Variants in CBX7 observed in about 807,000 individuals in gnomAD.
CBX7 encodes the protein chromobox 7.
In CBX7, 14 loss-of-function variants were observed where a neutral mutation model predicts 31.4. The observed-to-expected ratio is 0.45, with a 90% confidence interval of 0.29 to 0.70. The LOEUF (loss-of-function observed/expected upper bound fraction) is 0.70, where lower values mean the gene tolerates loss of function less well. Ranked by LOEUF, CBX7 falls within the 30% of genes least tolerant of loss-of-function variation. The pLI is 0.11. For missense variants in CBX7, 269 were observed against 351.9 expected, an observed-to-expected ratio of 0.76 and a Z score of 1.89; for synonymous variants, 159 against 152.6, an observed-to-expected ratio of 1.04 and a Z score of -0.31.
chr22:39,142,130 C>T (rs1037139264), intron 2 of CBX7, among the ~76,000 whole-genome samples: 2 of 152,202 alleles, frequency 1.3e-5, no homozygotes. Flanking sequence ...GCTAGCTGTG[C>T]GACCTTGAGC....
chr22:39,141,927 T>C (rs139393), intron 2 of CBX7, among the ~76,000 whole-genome samples: 104,444 of 151,938 alleles, frequency 0.69, 37,200 homozygotes, highest in African/African-American at 0.9. Context: ...AACACCAGAG[T>C]TGTCCTGGTT....
intron 2 of CBX7, among the ~76,000 whole-genome samples, chr22:39,145,404 T>TTAGA (rs983561900): frequency 8.6e-5 from 13 of 152,008 alleles, no homozygotes; most frequent in Admixed American, 3.9e-4. Context: ...ATCGAAGGGA[T>TTAGA]TAGACCCCAC....
chr22:39,134,461 G>C lies in CBX7; in HGVS notation c.538C>G (p.Pro180Ala), dbSNP rs1197413308. ...TCGCCAGCCGCCTGCAGGACGTCTG[G>C]GGCCGGTGGCTCCTGCAGGAAGAGC... ...RELFLQEPPAPDVLQAAGEWE... is the reference protein window; with the variant it reads ...RELFLQEPPAADVLQAAGEWE... Residue 180 changes from proline to alanine, a missense_variant, in exon 5 of 6, where the codon CCA (proline) becomes GCA (alanine). Around this residue, in one of 2 missense-constraint regions of CBX7, gnomAD observed 222 missense variants for 240.4 expected, o/e 0.92. Transcript: ENST00000216133. The C allele has an allele frequency of 1.2e-6, 2 of 1,607,948 alleles. No individual in the cohort carries two copies. The highest frequency in any genetic ancestry group is 8.5e-7 in the Non-Finnish European group (1 of 1,179,816).
intron 2 of CBX7, chr22:39,147,884 A>G (rs754131245): frequency 2.6e-5 from 4 of 152,268 alleles, no homozygotes; most frequent in Non-Finnish European, 4.4e-5. Flanking sequence ...GGGGAAAACA[A>G]AAAGAACAGC....
At position 39,134,006 on chromosome 22, in the gene CBX7, G is replaced by A. The variant is rs769817108; in HGVS notation, c.641C>T (p.Ala214Val). ...CACGGTCACCTCACTTGAGGGGAGCGCAGGTGTCCAGGGAGGGGGCCCCTC... is the reference window on the plus strand; with the variant it reads ...CACGGTCACCTCACTTGAGGGGAGCACAGGTGTCCAGGGAGGGGGCCCCTC... ...LAEGPPPWTP[A>V]LPSSEVTVTD... Residue 214 changes from alanine (A) to valine (V), a missense_variant, in exon 6 of 6, where the codon GCG (alanine) becomes GTG (valine). Physicochemically the swap from Ala to Val is moderately conservative, Grantham distance 64. Transcript: ENST00000216133. 29 of 1,611,858 alleles carry A rather than the reference G, an allele frequency of 1.8e-5. No homozygotes were observed. The highest frequency in any genetic ancestry group is 1.8e-4 in the East Asian group (8 of 44,774).
chr22:39,147,785 C>G (rs1454890956), intron 2 of CBX7: 3 of 152,274 alleles, frequency 2.0e-5, no homozygotes, highest in African/African-American at 7.2e-5. Context: ...GTTTCCCCAT[C>G]TGAAAAATCA....
intron 2 of CBX7, chr22:39,148,756 A>C (rs1432600293): frequency 1.3e-5 from 2 of 152,346 alleles, no homozygotes; most frequent in Non-Finnish European, 2.9e-5. Flanking sequence ...TAGGGCCACC[A>C]AGCCTGTGAG....
chr22:39,139,202 C>T (rs1930360453), intron 3 of CBX7, among the ~76,000 whole-genome samples: 1 of 152,174 alleles, frequency 6.6e-6, no homozygotes, highest in Non-Finnish European at 1.5e-5. Flanking sequence ...CCGGCTCCTA[C>T]CCTGTCTGTC....
chr22:39,142,733 A>G (rs140608647), intron 2 of CBX7, among the ~76,000 whole-genome samples: 1 of 152,388 alleles, frequency 6.6e-6, no homozygotes, highest in Admixed American at 6.5e-5. Context: ...CGACGCAAAC[A>G]TAAAAACTTT....
chr22:39,141,210 G>A, intron 3 of CBX7, 161 bp downstream of exon 3: 1 of 580,792 alleles, frequency 1.7e-6, no homozygotes, highest in Non-Finnish European at 3.0e-6. Context: ...GCTGCCCTGG[G>A]ACTCAGTGCC....
At chr22:39,144,029 G>A (rs1384725604) in intron 2 of CBX7, among the ~76,000 whole-genome samples, 2 of 152,238 alleles carry the variant, frequency 1.3e-5, no homozygotes, top group African/African-American at 4.8e-5. Flanking sequence ...GGGCGTTAGC[G>A]AGGGGTTAAA....
chr22:39,152,271 G>T lies in CBX7; in HGVS notation c.69+105C>A, dbSNP rs1930886889. ...GGCCCAGCAGCGCAGGGCTGCCGGG[G>T]CCCCCGCGCCCCGCTTTCCCCTTCA... On this transcript the variant is annotated intron_variant, in intron 1 of 5. Coordinates refer to ENST00000216133, the MANE Select transcript of CBX7 (RefSeq NM_175709.5). This position sits in a 1 kb window ranked among gnomAD's most constrained non-coding sequence, Gnocchi z 4.9. The T allele has an allele frequency of 7.9e-6, 5 of 634,260 alleles. No individual in the cohort carries two copies. The highest frequency in any genetic ancestry group is 1.1e-5 in the Non-Finnish European group (5 of 459,932). The allele number at this position is 634,260 out of a possible 1,614,324, so 39.3% of individuals were successfully genotyped here.
chr22:39,145,708 C>G (rs1258042370), intron 2 of CBX7, among the ~76,000 whole-genome samples: 1 of 147,162 alleles, frequency 6.8e-6, no homozygotes, highest in Non-Finnish European at 1.5e-5. Context: ...CCGGGATTAC[C>G]GGCAAACCGA....
intron 1 of CBX7, among the ~76,000 whole-genome samples, chr22:39,151,062 C>T (rs547489142): frequency 1.3e-5 from 2 of 152,306 alleles, no homozygotes; most frequent in Admixed American, 1.3e-4. Context: ...GACCAACCCT[C>T]AATAAATATT....
rs546793926 is a variant in CBX7 at position 39,134,018 on chromosome 22, G to A, written c.629C>T (p.Pro210Leu). 6.2e-6 allele frequency: 10 copies of A among 1,608,546 alleles called. No homozygotes were observed. The East Asian group carries it at 9.0e-5, about 14-fold the overall frequency. ...ADADLAEGPPPWTPALPSSEV... is the reference protein window; with the variant it reads ...ADADLAEGPPLWTPALPSSEV... ...ACTTGAGGGGAGCGCAGGTGTCCAG[G>A]GAGGGGGCCCCTCGGCCAGGTCGGC... The change falls in exon 6 of 6, where the codon CCC becomes CTC. Residue 210 changes from proline to leucine, a missense_variant. Pro to Leu is a moderately conservative substitution (Grantham distance 98, BLOSUM62 -3). This residue lies in a region of CBX7 where 222 missense variants were observed against 240.4 expected (regional missense o/e 0.92). Coordinates refer to ENST00000216133, the MANE Select transcript of CBX7 (RefSeq NM_175709.5).
Position 39,133,050 on chromosome 22 carries a change from G to A in CBX7, c.*841C>T, listed in dbSNP as rs976157592. The A allele has an allele frequency of 1.3e-5, 2 of 152,296 alleles. No individual in the cohort carries two copies. The highest frequency in any genetic ancestry group is 2.1e-4 in the South Asian group (1 of 4,838). 9.4% of individuals were successfully genotyped at this position (152,296 alleles called of 1,614,324 possible). A position where few individuals can be genotyped will look rare whatever the true frequency, so the allele number is the denominator to read the frequency against. On this transcript the variant is annotated 3_prime_UTR_variant, in exon 6 of 6. Transcript: ENST00000216133. ...CTGAAAGCCGCAAGCAGGTAGCAAG[G>A]TGCATGCAAGGTGGGGTGAGTGCAG... is the stretch of plus-strand genomic sequence containing the variant.
intron 2 of CBX7, among the ~76,000 whole-genome samples, chr22:39,143,079 C>T (rs1046071017): frequency 1.3e-5 from 2 of 152,070 alleles, no homozygotes; most frequent in African/African-American, 4.8e-5. Context: ...CGTGGAGAAA[C>T]CCCATCTCTA....
chr22:39,140,985 G>A (rs376601921), intron 3 of CBX7: 3 of 224,712 alleles, frequency 1.3e-5, no homozygotes, highest in East Asian at 1.7e-4. Flanking sequence ...CCGCACAACT[G>A]GCAGTGCCGC....
chr22:39,133,981 C>T lies in CBX7; in HGVS notation c.666G>A (p.Val222=). 3.7e-6 allele frequency: 6 copies of T among 1,613,816 alleles called. No individual in the cohort carries two copies. The highest frequency in any genetic ancestry group is 5.1e-6 in the Non-Finnish European group (6 of 1,179,868). ...TPALPSSEVT[V]TDITANSITV... is the part of the protein sequence containing the mutation. Reference sequence around the variant, plus strand: ...TGATGGAGTTGGCGGTGATGTCGGTCACGGTCACCTCACTTGAGGGGAGCG... The same window carrying T: ...TGATGGAGTTGGCGGTGATGTCGGTTACGGTCACCTCACTTGAGGGGAGCG... The change falls in exon 6 of 6, where the codon GTG becomes GTA. Residue 222 remains valine, a synonymous_variant. Transcript: ENST00000216133.
Sources: gnomAD v4.1 joint callset for allele counts (sites outside exome capture counted in the v4.1 genomes callset) on GRCh38, gnomAD v4.1.1 for gene constraint, gnomAD v4.1.1 regional missense constraint, Gnocchi (gnomAD v3.1) non-coding constraint, MANE v1.5 for transcripts, NCBI Gene and HGNC (gene_info 2026-07-23, HGNC 2026-07-21) for gene names.